Variants in KLRD1 observed in about 807,000 individuals in gnomAD.
The protein encoded by KLRD1 is natural killer cells antigen CD94.
A neutral mutation model predicts 22.6 loss-of-function variants in KLRD1; 21 were observed. The ratio of observed to expected loss-of-function variants is 0.93; its 90% CI spans 0.66 to 1.34. The LOEUF (loss-of-function observed/expected upper bound fraction) is 1.34. KLRD1 is among the 40% of genes most tolerant of loss of function. KLRD1 has a pLI of 0.00. For missense variants in KLRD1, 183 were observed against 208.6 expected (o/e 0.88, Z 0.76); for synonymous variants, 59 against 71.1 (o/e 0.83, Z 0.85).
upstream of KLRD1, among the ~76,000 whole-genome samples, chr12:10,307,313 C>T (rs754853665): frequency 5.3e-5 from 8 of 152,112 alleles, no homozygotes; most frequent in East Asian, 1.9e-4. Context: ...TTAAGGCTAA[C>T]GTGAATGAGG....
chr12:10,309,828 C>A (rs1027454980), intron 3 of KLRD1, 140 bp downstream of exon 3: 11 of 638,852 alleles, frequency 1.7e-5, no homozygotes, highest in Admixed American at 8.7e-5. Context: ...TCTCATTTTA[C>A]ATTGCTCAAT....
intron 1 of KLRD1, among the ~76,000 whole-genome samples, chr12:10,271,388 C>T (rs899792133): frequency 6.6e-6 from 1 of 152,182 alleles, no homozygotes; most frequent in Non-Finnish European, 1.5e-5. Context: ...CCATCGCCGC[C>T]TGGTTGACCA....
At chr12:10,312,855 C>T (rs1337166786) in intron 4 of KLRD1, among the ~76,000 whole-genome samples, 3 of 151,428 alleles carry the variant, frequency 2.0e-5, no homozygotes, top group South Asian at 2.1e-4. Flanking sequence ...GGCGTGGTGG[C>T]GGGCGCCTGT....
rs940859513 is a variant in KLRD1 at position 10,319,401 on chromosome 12, A to G, written c.*4608A>G. 5 of 152,244 alleles carry G rather than the reference A, an allele frequency of 3.3e-5. No homozygotes were observed. Among genetic ancestry groups the G allele is most frequent in the African/African-American group, 9.6e-5 (4 of 41,470 alleles). 9.4% of individuals were successfully genotyped at this position (152,244 alleles called of 1,614,324 possible). ...TAGACAAGTTGCAAGATGTTCACCAATGATTCCCACCTTGTGCTATACATG... is the reference window on the plus strand; with the variant it reads ...TAGACAAGTTGCAAGATGTTCACCAGTGATTCCCACCTTGTGCTATACATG... On this transcript the variant is annotated 3_prime_UTR_variant, in exon 6 of 6. Coordinates refer to ENST00000336164, the MANE Select transcript of KLRD1 (RefSeq NM_002262.5).
At chr12:10,261,528 T>G (rs760548912) in intron 1 of KLRD1, among the ~76,000 whole-genome samples, 4 of 152,194 alleles carry the variant, frequency 2.6e-5, no homozygotes, top group Non-Finnish European at 5.9e-5. Flanking sequence ...TTTTTCTCAC[T>G]GTTCCTCTTT....
chr12:10,246,004 A>ATTTG (rs557978156), intron 1 of KLRD1, among the ~76,000 whole-genome samples: 2 of 152,010 alleles, frequency 1.3e-5, no homozygotes, highest in Non-Finnish European at 1.5e-5. Flanking sequence ...AAAAAGAAGC[A>ATTTG]TTTGTTTGTT....
intron 1 of KLRD1, among the ~76,000 whole-genome samples, chr12:10,248,727 A>G (rs946919330): frequency 2.0e-5 from 3 of 150,764 alleles, no homozygotes; most frequent in African/African-American, 7.3e-5. Flanking sequence ...CCTCCCAAGT[A>G]GCTGGGATTA....
intron 1 of KLRD1, among the ~76,000 whole-genome samples, chr12:10,262,011 C>T (rs925453309): frequency 6.6e-5 from 10 of 151,952 alleles, no homozygotes; most frequent in Non-Finnish European, 1.3e-4. Context: ...CTTATATTTG[C>T]ATTTACTTCT....
chr12:10,283,215 G>A (rs1565458562), intron 1 of KLRD1, among the ~76,000 whole-genome samples: 1 of 152,166 alleles, frequency 6.6e-6, no homozygotes, highest in African/African-American at 2.4e-5. Context: ...ATGGGGACTG[G>A]CACCACAGTG....
Position 10,317,896 on chromosome 12 carries a change from G to C in KLRD1, c.*3103G>C, listed in dbSNP as rs963394556. ...TCCCTCTACGCATGGCAGCAGAAAGGAGACGTGCTGAGCAAAAGGAAAAAT... is the reference window on the plus strand; with the variant it reads ...TCCCTCTACGCATGGCAGCAGAAAGCAGACGTGCTGAGCAAAAGGAAAAAT... On this transcript the variant is annotated 3_prime_UTR_variant, in exon 6 of 6. Coordinates refer to ENST00000336164, the MANE Select transcript of KLRD1 (RefSeq NM_002262.5). The C allele has an allele frequency of 2.0e-5, 3 of 152,210 alleles. No homozygotes were observed. Among genetic ancestry groups the C allele is most frequent in the Non-Finnish European group, 4.4e-5 (3 of 68,042 alleles). 9.4% of individuals were successfully genotyped at this position (152,210 alleles called of 1,614,324 possible).
chr12:10,308,182 T>C, intron 1 of KLRD1, 98 bp downstream of exon 1: 1 of 995,920 alleles, frequency 1.0e-6, no homozygotes, highest in Non-Finnish European at 1.6e-6. Context: ...AAGGACATGA[T>C]TAACAGTGGA....
At chr12:10,239,791 G>A (rs574696763) in intron 1 of KLRD1, among the ~76,000 whole-genome samples, 4 of 151,176 alleles carry the variant, frequency 2.6e-5, no homozygotes, top group South Asian at 4.2e-4. Context: ...ACAGGTGCCC[G>A]CCATCATGCC....
In KLRD1 at chr12:10,262,178, A is replaced by G. The variant is rs185339282; in HGVS notation, c.-101+35945A>G. Among the ~76,000 whole-genome samples the G allele has an allele frequency of 3.3e-5, 5 of 152,218 alleles. No homozygotes were observed. In the East Asian group the frequency reaches 9.6e-4, roughly 29 times the overall value. On this transcript the variant is annotated intron_variant, in intron 1 of 5. Transcript: ENST00000544747. ...CTCTATTGATAATTATCTGATGTGT[A>G]AGAAAATGTAAGAATGAATACCACA...
At chr12:10,246,928 C>CTTTTTTTTTTTTTTTTTT (rs1208226436) in intron 1 of KLRD1, among the ~76,000 whole-genome samples, 23 of 129,684 alleles carry the variant, frequency 1.8e-4, no homozygotes, top group South Asian at 5.3e-4. Context: ...CTTTTCTTTT[C>CTTTTTTTTTTTTTTTTTT]TTTTCTTTTT....
intron 1 of KLRD1, among the ~76,000 whole-genome samples, chr12:10,267,504 T>G (rs1338201849): frequency 1.3e-5 from 2 of 152,148 alleles, no homozygotes; most frequent in African/African-American, 4.8e-5. Context: ...AGACAAAGGC[T>G]CTGTTCTCAT....
At chr12:10,279,242 A>T (rs1195012014) in intron 1 of KLRD1, among the ~76,000 whole-genome samples, 1 of 152,052 alleles carries the variant, frequency 6.6e-6, no homozygotes, top group Non-Finnish European at 1.5e-5. Flanking sequence ...GAGAACATGC[A>T]GTATTTGGTT....
chr12:10,309,470 GT>G lies in KLRD1; in HGVS notation c.92del (p.Leu31Ter). 1 of 1,506,428 alleles carries G rather than the reference GT, an allele frequency of 6.6e-7. No individual in the cohort carries two copies. The highest frequency in any genetic ancestry group is 2.3e-5 in the East Asian group (1 of 44,258). The allele number at this position is 1,506,428 out of a possible 1,614,324, so 93.3% of individuals were successfully genotyped here. On this transcript the variant is annotated frameshift_variant, in exon 2 of 6. Coordinates refer to ENST00000336164, the MANE Select transcript of KLRD1 (RefSeq NM_002262.5). LOFTEE classifies it high-confidence loss of function. ...CGTTGATGTCTACGTTGGGAATTTT[GT>G]TGAAAAATTGTAAGTTTTTCTAAGC... is the stretch of plus-strand genomic sequence containing the variant. ...LSLMSTLGIL[L>X]KNSFTKLSIE...
intron 1 of KLRD1, among the ~76,000 whole-genome samples, chr12:10,263,721 A>G (rs748151791): frequency 6.6e-6 from 1 of 152,094 alleles, no homozygotes; most frequent in Non-Finnish European, 1.5e-5. Context: ...ATGTTATTCC[A>G]GCTTGAGTAC....
chr12:10,248,590 CTTT>C (rs1475556166), intron 1 of KLRD1, among the ~76,000 whole-genome samples: 3 of 132,778 alleles, frequency 2.3e-5, no homozygotes, highest in Non-Finnish European at 3.2e-5. Flanking sequence ...TCCTTCCCTT[CTTT>C]TCTTCTTTTC....
Sources: gnomAD v4.1 joint callset for allele counts (sites outside exome capture counted in the v4.1 genomes callset) on GRCh38, gnomAD v4.1.1 for gene constraint, MANE v1.5 for transcripts, NCBI Gene and HGNC (gene_info 2026-07-23, HGNC 2026-07-21) for gene names.